The following ABCA13 variants were observed in gnomAD, a reference collection of about 807,000 sequenced individuals.
ABCA13 encodes the protein ATP binding cassette subfamily A member 13.
Under a neutral mutation model 478.7 loss-of-function variants are expected in ABCA13, and 476 were observed. That is an observed-to-expected ratio of 0.99 (90% CI 0.92 to 1.07). The LOEUF (loss-of-function observed/expected upper bound fraction) is 1.07, where lower values mean the gene tolerates loss of function less well. ABCA13 is among the 50% of genes least tolerant of loss of function. The probability of loss-of-function intolerance (pLI) is 0.00; values close to 1 mark genes in which losing one functional copy is unlikely to be tolerated. For synonymous variants in ABCA13, 2,252 were observed against 2,158.9 expected, an observed-to-expected ratio of 1.04 and a Z score of -1.20; for missense variants, 6,060 against 5,910.6, an observed-to-expected ratio of 1.03 and a Z score of -0.83.
chr7:48,570,460 G>A (rs1787518919), intron 55 of ABCA13, among the ~76,000 whole-genome samples: 1 of 151,514 alleles, frequency 6.6e-6, no homozygotes, highest in African/African-American at 2.4e-5. Flanking sequence ...AAGTAGCTGG[G>A]ACTACAGGCG....
intron 56 of ABCA13, among the ~76,000 whole-genome samples, chr7:48,584,446 A>C (rs971902108): frequency 3.3e-5 from 5 of 152,190 alleles, no homozygotes; most frequent in Admixed American, 6.5e-5. Flanking sequence ...CCATGGCTGC[A>C]TACATTTTCT....
At chr7:48,610,237 G>A (rs941419645) in intron 58 of ABCA13, among the ~76,000 whole-genome samples, 5 of 152,196 alleles carry the variant, frequency 3.3e-5, no homozygotes, top group Non-Finnish European at 7.3e-5. Context: ...AAAGAAAGAG[G>A]CTACAGGCCC....
intron 48 of ABCA13, 145 bp from the exon 49 acceptor site, chr7:48,506,190 AT>A (rs1246876222): frequency 5.2e-6 from 4 of 772,924 alleles, no homozygotes; most frequent in Admixed American, 3.0e-5. Context: ...GGAATTTGCC[AT>A]TTTTTTCTGC....
intron 41 of ABCA13, among the ~76,000 whole-genome samples, chr7:48,423,206 C>T (rs537042074): frequency 6.6e-6 from 1 of 152,212 alleles, no homozygotes; most frequent in African/African-American, 2.4e-5. Flanking sequence ...TCTAGTGTTT[C>T]GTATCATCTA....
intron 29 of ABCA13, among the ~76,000 whole-genome samples, chr7:48,343,034 GA>G (rs1166389372): frequency 2.0e-5 from 3 of 151,012 alleles, no homozygotes; most frequent in Non-Finnish European, 4.4e-5. Context: ...TCACATTTTG[GA>G]AGTGCATGTT....
intron 27 of ABCA13, among the ~76,000 whole-genome samples, chr7:48,332,144 C>T (rs969357993): frequency 6.6e-6 from 1 of 152,188 alleles, no homozygotes; most frequent in African/African-American, 2.4e-5. Context: ...ACCATTTACA[C>T]ATTGTGGGAC....
At chr7:48,366,760 T>A (rs1811735268) in intron 31 of ABCA13, among the ~76,000 whole-genome samples, 1 of 152,178 alleles carries the variant, frequency 6.6e-6, no homozygotes, top group African/African-American at 2.4e-5. Flanking sequence ...TTCATGAGTG[T>A]GGAGACCCCA....
chr7:48,588,429 C>A (rs1184080130), intron 57 of ABCA13, among the ~76,000 whole-genome samples: 1 of 152,166 alleles, frequency 6.6e-6, no homozygotes, highest in African/African-American at 2.4e-5. Flanking sequence ...AATGAAGGGG[C>A]CTCTGCTCTG....
At chr7:48,237,312 G>A (rs1465224812) in intron 8 of ABCA13, among the ~76,000 whole-genome samples, 2 of 152,254 alleles carry the variant, frequency 1.3e-5, no homozygotes, top group East Asian at 3.9e-4. Flanking sequence ...CAGCATTCAA[G>A]CCACTCTCAT....
At chr7:48,550,196 T>C (rs1785179254) in intron 55 of ABCA13, among the ~76,000 whole-genome samples, 1 of 151,864 alleles carries the variant, frequency 6.6e-6, no homozygotes, top group Admixed American at 6.6e-5. Context: ...GCTGAATATT[T>C]ATTTTTATAG....
intron 56 of ABCA13, among the ~76,000 whole-genome samples, chr7:48,584,183 A>T (rs760082849): frequency 1.3e-5 from 2 of 152,178 alleles, no homozygotes; most frequent in African/African-American, 4.8e-5. Flanking sequence ...GGATGAGAGT[A>T]ACTAAACATT....
chr7:48,293,205 C>A (rs935640288), intron 20 of ABCA13, among the ~76,000 whole-genome samples: 3 of 134,782 alleles, frequency 2.2e-5, no homozygotes, highest in East Asian at 2.4e-4. Flanking sequence ...CCCCCCCCGC[C>A]ACACACACAC....
Position 48,348,465 on chromosome 7 carries a change from G to A in ABCA13, c.10205-2178G>A, listed in dbSNP as rs1808442473. Among the ~76,000 whole-genome samples, 3 of 152,180 alleles carry A rather than the reference G, an allele frequency of 2.0e-5. No individual in the cohort carries two copies. In the South Asian group the frequency reaches 6.2e-4, roughly 32 times the overall value. ...GCAATTACATGTTTCTGCTATTGAC[G>A]CCATTTGAGAACTCTGGCTTGAGCT... On this transcript the variant is annotated intron_variant, in intron 29 of 61. Transcript: ENST00000435803.
At chr7:48,352,732 A>T (rs1326132739) in intron 31 of ABCA13, among the ~76,000 whole-genome samples, 1 of 152,084 alleles carries the variant, frequency 6.6e-6, no homozygotes, top group Non-Finnish European at 1.5e-5. Flanking sequence ...CATCATCTAT[A>T]GTTTTAAATA....
chr7:48,209,469 C>T (rs1487986804), intron 3 of ABCA13, among the ~76,000 whole-genome samples: 12 of 152,062 alleles, frequency 7.9e-5, no homozygotes, highest in Non-Finnish European at 1.6e-4. Context: ...TGGTAAAATT[C>T]AGCAGTGAAG....
intron 23 of ABCA13, among the ~76,000 whole-genome samples, chr7:48,301,206 G>C (rs1483737076): frequency 2.0e-5 from 3 of 151,906 alleles, no homozygotes; most frequent in Admixed American, 2.0e-4. Context: ...TCTTCTGGGA[G>C]GCTCCTTCAA....
At chr7:48,230,024 A>T in intron 7 of ABCA13, 69 bp downstream of exon 7, 1 of 1,502,364 alleles carries the variant, frequency 6.7e-7, no homozygotes. Flanking sequence ...GACAGTTGAC[A>T]TAGAGCTAAA....
intron 55 of ABCA13, among the ~76,000 whole-genome samples, chr7:48,554,544 T>G (rs907408737): frequency 1.1e-4 from 17 of 151,812 alleles, no homozygotes; most frequent in African/African-American, 4.1e-4. Flanking sequence ...TCTCACTTCT[T>G]TGGTTGGGTT....
chr7:48,337,048 G>A (rs924982325), intron 28 of ABCA13, among the ~76,000 whole-genome samples: 1 of 152,188 alleles, frequency 6.6e-6, no homozygotes, highest in African/African-American at 2.4e-5. Context: ...AAGTAGCCAT[G>A]TCAGAAATCA....
Sources: allele counts gnomAD v4.1 joint callset (sites outside exome capture counted in the v4.1 genomes callset), GRCh38; gene constraint gnomAD v4.1.1; transcripts MANE v1.5; gene names NCBI Gene and HGNC (gene_info 2026-07-23, HGNC 2026-07-21).